The following ASNS variants were observed in gnomAD, a reference collection of about 807,000 sequenced individuals.
The protein encoded by ASNS is asparagine synthetase (glutamine-hydrolyzing).
Under a neutral mutation model 62.6 loss-of-function variants are expected in ASNS, and 37 were observed. The ratio of observed to expected loss-of-function variants is 0.59; its 90% CI spans 0.45 to 0.78. ASNS has a LOEUF of 0.78. ASNS is among the 30% of genes least tolerant of loss of function. ASNS has a pLI of 0.00. For missense variants in ASNS, 520 were observed against 682.4 expected (o/e 0.76, Z 2.65); for synonymous variants, 207 against 237.9 (o/e 0.87, Z 1.19).
the ASNS span, among the ~76,000 whole-genome samples, chr7:97,912,254 T>C: frequency 3.3e-5 from 5 of 152,240 alleles, no homozygotes; most frequent in African/African-American, 4.8e-5. Flanking sequence ...GCTGTCTTAG[T>C]TGTAAAGATG....
chr7:97,873,771 C>T (rs1256137209), upstream of ASNS, among the ~76,000 whole-genome samples: 12 of 152,066 alleles, frequency 7.9e-5, no homozygotes, highest in African/African-American at 2.9e-4. Context: ...GGTTCCCCTG[C>T]TTGGTGTGTT....
the ASNS span, among the ~76,000 whole-genome samples, chr7:97,920,034 A>G: frequency 6.7e-6 from 1 of 149,718 alleles, no homozygotes; most frequent in Non-Finnish European, 1.5e-5. Context: ...TTGAGATGGA[A>G]TCTTGCTCTG....
chr7:97,888,860 T>C, the ASNS span, among the ~76,000 whole-genome samples: 2 of 152,176 alleles, frequency 1.3e-5, 1 homozygote, highest in Admixed American at 1.3e-4. Flanking sequence ...GGAGATTGAC[T>C]CATCTGCCTC....
chr7:97,852,553 G>C, intron 12 of ASNS, 85 bp from the exon 13 acceptor site: 1 of 1,309,160 alleles, frequency 7.6e-7, no homozygotes, highest in Non-Finnish European at 1.1e-6. Context: ...AACAGAAAAT[G>C]TTAAGACGTG....
chr7:97,875,023 A>G (rs554304071), upstream of ASNS, among the ~76,000 whole-genome samples: 1,421 of 152,282 alleles, frequency 9.3e-3, 15 homozygotes, highest in African/African-American at 0.033. Context: ...TTTAAATGTC[A>G]CGAACTTTAA....
chr7:97,886,537 C>T, the ASNS span, among the ~76,000 whole-genome samples: 1 of 152,118 alleles, frequency 6.6e-6, no homozygotes, highest in African/African-American at 2.4e-5. Context: ...AAGACTTGCC[C>T]CCTTGCCCTA....
At chr7:97,855,324 T>C (rs761355055) in intron 9 of ASNS, 29 bp downstream of exon 9, 1 of 1,460,482 alleles carries the variant, frequency 6.8e-7, no homozygotes, top group East Asian at 2.3e-5. Context: ...TAATATAGCA[T>C]GAATATCCCT....
chr7:97,927,822 C>T, the ASNS span, among the ~76,000 whole-genome samples: 197 of 152,366 alleles, frequency 1.3e-3, no homozygotes, highest in South Asian at 0.016. Context: ...AATGCAGTAA[C>T]GTGCACGGGG....
the ASNS span, among the ~76,000 whole-genome samples, chr7:97,915,354 C>A: frequency 6.6e-6 from 1 of 152,194 alleles, no homozygotes; most frequent in East Asian, 1.9e-4. Flanking sequence ...TAATACTGAG[C>A]AAGTTACACA....
chr7:97,884,991 C>T, the ASNS span, among the ~76,000 whole-genome samples: 3 of 152,042 alleles, frequency 2.0e-5, no homozygotes, highest in Non-Finnish European at 4.4e-5. Context: ...CTCCGCCTCC[C>T]GGGTTCAAGC....
chr7:97,908,344 C>T, the ASNS span: 2 of 152,190 alleles, frequency 1.3e-5, no homozygotes, highest in Non-Finnish European at 2.9e-5. Context: ...GTCCTTCACC[C>T]CGGAAAGGCA....
At chr7:97,875,621 C>T (rs1792421992), upstream of ASNS, among the ~76,000 whole-genome samples, 1 of 152,202 alleles carries the variant, frequency 6.6e-6, no homozygotes, top group Non-Finnish European at 1.5e-5. Flanking sequence ...AACACTTCCA[C>T]CTGGAGGTGA....
chr7:97,864,330 GT>G lies in ASNS; in HGVS notation c.415del (p.Thr139HisfsTer11). On this transcript the variant is annotated frameshift_variant, in exon 4 of 13. Coordinates refer to ENST00000394308, the MANE Select transcript of ASNS (RefSeq NM_001673.5). LOFTEE classifies it high-confidence loss of function. ...TTTAAACAAAGGTCTGACTCCATAT[GT>G]ATCTCTACCCAGGAACACTTTCTTA... ...ANKKVFLGRD[T>X]YGVRPLFKAM... 6.2e-7 allele frequency: 1 copy of G among 1,613,736 alleles called. No individual in the cohort carries two copies. The highest frequency in any genetic ancestry group is 1.3e-5 in the African/African-American group (1 of 75,020).
the ASNS span, among the ~76,000 whole-genome samples, chr7:97,882,524 G>A: frequency 1.3e-5 from 2 of 149,302 alleles, no homozygotes; most frequent in African/African-American, 5.0e-5. Context: ...CTCCAGCCTG[G>A]AGACAGAGAG....
At position 97,852,179 on chromosome 7, in the gene ASNS, T is replaced by G. The variant is rs115270247; in HGVS notation, c.*80A>C. The stretch of plus-strand genomic sequence containing the variant: ...CACACCCAAGTTAGCCTGAGTTGAC[T>G]CTCATTGTTCCCCTATCTACCCACA... On this transcript the variant is annotated 3_prime_UTR_variant, in exon 13 of 13. Transcript: ENST00000394308. The G allele has an allele frequency of 5.6e-3, 8,324 of 1,493,336 alleles. 360 individuals are homozygous for G. The African/African-American group carries it at 0.1, about 18-fold the overall frequency. 92.5% of individuals were successfully genotyped at this position (1,493,336 alleles called of 1,614,324 possible).
At chr7:97,915,257 G>C in the ASNS span, among the ~76,000 whole-genome samples, 3 of 152,186 alleles carry the variant, frequency 2.0e-5, no homozygotes, top group Non-Finnish European at 4.4e-5. Context: ...CCTGCTGTTG[G>C]AGAGCTACCA....
chr7:97,874,543 T>C (rs543588149), upstream of ASNS, among the ~76,000 whole-genome samples: 2 of 152,350 alleles, frequency 1.3e-5, no homozygotes, highest in East Asian at 1.9e-4. Flanking sequence ...TGTTTAGAGA[T>C]TGCAGTGAAG....
chr7:97,856,479 G>A (rs1394146531), intron 8 of ASNS, among the ~76,000 whole-genome samples: 5 of 152,204 alleles, frequency 3.3e-5, no homozygotes, highest in Non-Finnish European at 7.3e-5. Flanking sequence ...CAACAATGTG[G>A]AGGTTGAACT....
chr7:97,882,259 C>T, the ASNS span, among the ~76,000 whole-genome samples: 1 of 152,276 alleles, frequency 6.6e-6, no homozygotes, highest in South Asian at 2.1e-4. Context: ...CTTTTAAAAA[C>T]AACTCCAGGC....
Sources: allele counts gnomAD v4.1 joint callset (sites outside exome capture counted in the v4.1 genomes callset), GRCh38; gene constraint gnomAD v4.1.1; transcripts MANE v1.5; gene names NCBI Gene and HGNC (gene_info 2026-07-23, HGNC 2026-07-21).